Variants in GSE1 observed in about 807,000 individuals in gnomAD.
GSE1 encodes genetic suppressor element 1.
GSE1 carries 32 observed loss-of-function variants against 112.6 expected under a neutral mutation model. The observed-to-expected ratio is 0.28, with a 90% CI of 0.21 to 0.38. GSE1 has a LOEUF of 0.38. GSE1 is among the 10% of genes least tolerant of loss of function. GSE1 has a pLI of 1.00. For missense variants in GSE1, 2,348 were observed against 1,699.2 expected (o/e 1.38, Z -6.71); for synonymous variants, 1,115 against 735.6 (o/e 1.52, Z -8.35).
At chr16:85,592,013 G>A (rs2047021551) in intron 1 of GSE1, among the ~76,000 whole-genome samples, 1 of 152,212 alleles carries the variant, frequency 6.6e-6, no homozygotes, top group Admixed American at 6.5e-5. Flanking sequence ...ATTCACGTCA[G>A]TTTAAGGCTA....
chr16:85,671,395 G>A (rs998505588), intron 15 of GSE1, among the ~76,000 whole-genome samples: 4 of 134,800 alleles, frequency 3.0e-5, no homozygotes, highest in African/African-American at 5.6e-5. Context: ...AGCCGAGATT[G>A]CGCCACTGCA....
rs147657754 is a variant in GSE1, at chr16:85,217,398, C to T, written c.2283+45591C>T. 5.8e-4 allele frequency among the ~76,000 whole-genome samples: 88 copies of T among 152,270 alleles called. 1 individual carries two copies. The East Asian group carries it at 0.014, about 25-fold the overall frequency. ...AGAAGCCGCCACGCCTGGGACCATG[C>T]GAAGGCTGGCGATCCCTCCAGAGAA... On this transcript the variant is annotated intron_variant, in intron 1 of 2. Transcript: ENST00000637419.
intron 2 of GSE1, among the ~76,000 whole-genome samples, chr16:85,510,964 C>T (rs775138595): frequency 2.0e-5 from 3 of 152,204 alleles, no homozygotes; most frequent in Non-Finnish European, 2.9e-5. Context: ...AAAAGCACCC[C>T]GTTCCTCTCT....
chr16:85,380,315 C>T (rs980906197), intron 2 of GSE1, among the ~76,000 whole-genome samples: 4 of 152,124 alleles, frequency 2.6e-5, no homozygotes, highest in African/African-American at 9.7e-5. Flanking sequence ...TTCTTGGAGG[C>T]AGAGGGAGAC....
intron 1 of GSE1, among the ~76,000 whole-genome samples, chr16:85,182,899 GCA>G (rs1306358862): frequency 6.6e-6 from 1 of 151,634 alleles, no homozygotes; most frequent in Non-Finnish European, 1.5e-5. Context: ...CCTCCCTCTC[GCA>G]CACACGCACC....
chr16:85,482,507 C>G (rs200217824), intron 2 of GSE1, among the ~76,000 whole-genome samples: 1 of 151,998 alleles, frequency 6.6e-6, no homozygotes, highest in East Asian at 1.9e-4. Context: ...AGTTCCCCCC[C>G]CAAATAAAAT....
intron 1 of GSE1, among the ~76,000 whole-genome samples, chr16:85,578,409 G>A (rs1039241896): frequency 5.3e-5 from 8 of 152,198 alleles, no homozygotes; most frequent in Admixed American, 5.2e-4. Context: ...TGTTGGCAGG[G>A]GCTGGTTCCC....
intron 1 of GSE1, among the ~76,000 whole-genome samples, chr16:85,173,071 C>T (rs929521272): frequency 6.6e-5 from 10 of 152,202 alleles, no homozygotes; most frequent in Non-Finnish European, 1.2e-4. Context: ...GATGCTGAAG[C>T]TCTCCTCTTC....
intron 1 of GSE1, among the ~76,000 whole-genome samples, chr16:85,179,087 C>A (rs1209548244): frequency 6.6e-6 from 1 of 152,130 alleles, no homozygotes; most frequent in African/African-American, 2.4e-5. Context: ...TTGTGCACCA[C>A]CATGACTGTC....
chr16:85,338,068 C>A (rs1210483443), intron 1 of GSE1, among the ~76,000 whole-genome samples: 1 of 152,208 alleles, frequency 6.6e-6, no homozygotes, highest in African/African-American at 2.4e-5. Context: ...TGTGCTGGAC[C>A]TGTGGGTGCT....
At chr16:85,585,830 G>A (rs1273966066) in intron 1 of GSE1, among the ~76,000 whole-genome samples, 1 of 152,248 alleles carries the variant, frequency 6.6e-6, no homozygotes, top group Non-Finnish European at 1.5e-5. Flanking sequence ...GCTGCAGGGT[G>A]CGACTTGGGA....
At chr16:85,240,895 C>T (rs1205273080) in intron 1 of GSE1, among the ~76,000 whole-genome samples, 2 of 152,156 alleles carry the variant, frequency 1.3e-5, no homozygotes, top group Non-Finnish European at 2.9e-5. Context: ...GAAGCAGAAA[C>T]ACGCCTTTCT....
At chr16:85,356,585 G>A (rs1267553173) in intron 1 of GSE1, among the ~76,000 whole-genome samples, 1 of 152,254 alleles carries the variant, frequency 6.6e-6, no homozygotes, top group Non-Finnish European at 1.5e-5. Flanking sequence ...CAAACCAGGT[G>A]CCGCCCCACC....
intron 1 of GSE1, among the ~76,000 whole-genome samples, chr16:85,345,202 G>C (rs922194723): frequency 2.0e-5 from 3 of 152,012 alleles, no homozygotes; most frequent in Non-Finnish European, 2.9e-5. Flanking sequence ...GTTTTTAAAT[G>C]GTTGCCAAAA....
Position 85,673,437 on chromosome 16 carries a change from C to CCTGTTTGGGGGTTTT in GSE1, c.*899_*913dup, listed in dbSNP as rs2053497512. The CCTGTTTGGGGGTTTT allele has an allele frequency of 6.8e-6, 1 of 146,354 alleles. No homozygotes were observed. The highest frequency in any genetic ancestry group is 2.5e-5 in the African/African-American group (1 of 39,308). 9.1% of individuals were successfully genotyped at this position (146,354 alleles called of 1,614,324 possible). On this transcript the variant is annotated 3_prime_UTR_variant, in exon 16 of 16. Transcript: ENST00000253458. ...GTTTGGGGGATTTTTGTTTGTTTTT[C>CCTGTTTGGGGGTTTT]CTGTTTGGGGGTTTTGTTTGTTGTT...
chr16:85,547,303 T>G (rs559337517), intron 2 of GSE1, among the ~76,000 whole-genome samples: 2 of 152,308 alleles, frequency 1.3e-5, no homozygotes, highest in East Asian at 3.9e-4. Context: ...CAGAAATGTA[T>G]TCTCTCACGG....
chr16:85,361,252 ACCCCCC>A (rs2047072230), intron 2 of GSE1, among the ~76,000 whole-genome samples: 2 of 129,202 alleles, frequency 1.5e-5, no homozygotes, highest in African/African-American at 6.0e-5. Context: ...ACAGGCACAG[ACCCCCC>A]ACACACAAAC....
chr16:85,224,090 T>C (rs887061381), intron 1 of GSE1, among the ~76,000 whole-genome samples: 2 of 151,758 alleles, frequency 1.3e-5, no homozygotes, highest in Admixed American at 6.6e-5. Context: ...TTGGCGATTC[T>C]GGGGGCACGT....
intron 1 of GSE1, among the ~76,000 whole-genome samples, chr16:85,256,329 G>A (rs534171631): frequency 7.9e-5 from 12 of 152,298 alleles, no homozygotes; most frequent in East Asian, 3.9e-4. Flanking sequence ...AGGCAGACAC[G>A]TCTAAGTGCT....
Sources: gnomAD v4.1 joint callset for allele counts (sites outside exome capture counted in the v4.1 genomes callset) on GRCh38, gnomAD v4.1.1 for gene constraint, MANE v1.5 for transcripts, NCBI Gene and HGNC (gene_info 2026-07-23, HGNC 2026-07-21) for gene names.